The following TRPC6 variants were observed in gnomAD, a reference collection of about 807,000 sequenced individuals.
TRPC6 encodes the protein transient receptor potential cation channel subfamily C member 6, also known as short transient receptor potential channel 6.
In TRPC6, 55 loss-of-function variants were observed where a neutral mutation model predicts 90.7. The observed-to-expected ratio is 0.61, with a 90% CI of 0.49 to 0.76. TRPC6 has a LOEUF of 0.76. Ranked by LOEUF, TRPC6 falls within the 30% of genes least tolerant of loss-of-function variation. TRPC6 has a pLI of 0.00. For missense variants in TRPC6, 989 were observed against 1,122.7 expected (o/e 0.88, Z 1.70); for synonymous variants, 393 against 393.0 (o/e 1.00, Z 0.00).
chr11:101,497,184 T>C (rs931469800), intron 2 of TRPC6, among the ~76,000 whole-genome samples: 3 of 152,236 alleles, frequency 2.0e-5, no homozygotes, highest in Non-Finnish European at 4.4e-5. Flanking sequence ...TTTCACGTCA[T>C]TATGGACAAC....
chr11:101,540,415 T>C (rs1591121836), intron 1 of TRPC6, among the ~76,000 whole-genome samples: 1 of 152,252 alleles, frequency 6.6e-6, no homozygotes, highest in Admixed American at 6.5e-5. Flanking sequence ...AAAAGAACAA[T>C]GTGATATTCT....
chr11:101,489,592 T>C (rs1441905956), intron 3 of TRPC6, among the ~76,000 whole-genome samples: 1 of 151,974 alleles, frequency 6.6e-6, no homozygotes, highest in African/African-American at 2.4e-5. Context: ...CCTTTTATTC[T>C]TGTGCCAAAA....
intron 1 of TRPC6, among the ~76,000 whole-genome samples, chr11:101,537,713 G>C (rs1861084356): frequency 1.3e-5 from 2 of 151,748 alleles, no homozygotes; most frequent in African/African-American, 4.8e-5. Context: ...CTTTCCTAGA[G>C]TATCTTAAAT....
chr11:101,456,260 T>G (rs977846246), intron 10 of TRPC6, among the ~76,000 whole-genome samples: 1 of 152,158 alleles, frequency 6.6e-6, no homozygotes, highest in African/African-American at 2.4e-5. Context: ...GCTTCAACTT[T>G]CTATAACCTT....
chr11:101,553,767 T>TA (rs1299602862), intron 1 of TRPC6, among the ~76,000 whole-genome samples: 2 of 152,142 alleles, frequency 1.3e-5, no homozygotes, highest in Admixed American at 1.3e-4. Context: ...TTGGCTCCCA[T>TA]AGCTACTTTT....
At chr11:101,516,703 G>C (rs1272482830) in intron 1 of TRPC6, among the ~76,000 whole-genome samples, 1 of 152,224 alleles carries the variant, frequency 6.6e-6, no homozygotes, top group Non-Finnish European at 1.5e-5. Flanking sequence ...GCTTCCCTGA[G>C]AGTTTGCAAG....
chr11:101,583,466 C>T lies in TRPC6; in HGVS notation c.38G>A (p.Ser13Asn). 1 of 1,526,624 alleles carries T rather than the reference C, an allele frequency of 6.6e-7. No homozygotes were observed. 94.6% of individuals were successfully genotyped at this position (1,526,624 alleles called of 1,614,324 possible). ...QSPAFGPRRG[S>N]SPRGAAGAAA... is the part of the protein sequence containing the mutation. ...GGCTCCGGCAGCGCCCCGGGGAGAA[C>T]TGCCCCTCCGGGGCCCGAACGCCGG... Residue 13 changes from serine (S) to asparagine (N), a missense_variant, in exon 1 of 13, where the codon AGT becomes AAT. Ser to Asn is a conservative substitution (Grantham distance 46). Coordinates refer to ENST00000344327, the MANE Select transcript of TRPC6 (RefSeq NM_004621.6).
chr11:101,547,043 CA>C (rs1343515253), intron 1 of TRPC6, among the ~76,000 whole-genome samples: 1 of 151,896 alleles, frequency 6.6e-6, no homozygotes, highest in African/African-American at 2.4e-5. Context: ...TAATGAAAAA[CA>C]AAAAAACGAT....
intron 1 of TRPC6, among the ~76,000 whole-genome samples, chr11:101,548,954 TGGGGGTAGTACC>T (rs1565239027): frequency 6.6e-6 from 1 of 151,750 alleles, no homozygotes; most frequent in African/African-American, 2.4e-5. Context: ...TGGGTAACTC[TGGGGGTAGTACC>T]AAGGGTAGGG....
chr11:101,470,682 A>G (rs527914723), intron 9 of TRPC6, among the ~76,000 whole-genome samples: 2 of 152,100 alleles, frequency 1.3e-5, no homozygotes, highest in South Asian at 4.1e-4. Context: ...GTTTTCAATC[A>G]ATGTCCTTAG....
intron 1 of TRPC6, among the ~76,000 whole-genome samples, chr11:101,528,614 ACT>A (rs1376938809): frequency 6.6e-6 from 1 of 152,060 alleles, no homozygotes; most frequent in African/African-American, 2.4e-5. Context: ...GCTTGTACTA[ACT>A]CTTATGTGTA....
intron 2 of TRPC6, among the ~76,000 whole-genome samples, chr11:101,495,497 A>C (rs1859919969): frequency 1.3e-5 from 2 of 151,710 alleles, no homozygotes; most frequent in Admixed American, 6.6e-5. Flanking sequence ...TTAAAAAGGG[A>C]ATAATATTAG....
chr11:101,474,387 C>T (rs1020950441), intron 6 of TRPC6, among the ~76,000 whole-genome samples: 2 of 151,812 alleles, frequency 1.3e-5, no homozygotes, highest in Admixed American at 1.3e-4. Flanking sequence ...ATTTTTTTGG[C>T]ATTATTACAT....
chr11:101,485,505 T>G (rs1347048751), intron 4 of TRPC6, among the ~76,000 whole-genome samples: 1 of 152,138 alleles, frequency 6.6e-6, no homozygotes, highest in African/African-American at 2.4e-5. Flanking sequence ...TTTAACCGTG[T>G]ATTAGAGCAA....
In TRPC6 at chr11:101,504,107, A is replaced by G. The variant is rs1004040302; in HGVS notation, c.862T>C (p.Leu288=). The G allele has an allele frequency of 3.7e-6, 6 of 1,614,090 alleles. No individual in the cohort carries two copies. Among genetic ancestry groups the G allele is most frequent in the South Asian group, 3.3e-5 (3 of 91,082 alleles). The change falls in exon 2 of 13, where the codon TTG becomes CTG. Residue 288 remains leucine, a synonymous_variant. Transcript: ENST00000344327. ...GTCATGACTGGATCTTCACTAGACA[A>G]TGACAGGTAAGCCGGACTTGCCAGG... ...KGLASPAYLS[L]SSEDPVMTAL...
At chr11:101,530,612 G>A (rs1860889243) in intron 1 of TRPC6, among the ~76,000 whole-genome samples, 1 of 152,072 alleles carries the variant, frequency 6.6e-6, no homozygotes, top group Admixed American at 6.5e-5. Context: ...CTGGTAACAG[G>A]CCCATTTTCT....
At position 101,474,292 on chromosome 11, in the gene TRPC6, C is replaced by A. The variant is rs886369619; in HGVS notation, c.1745-519G>T. ...TTTAGGCTTGTAGCATATTTGTAGT[C>A]ATTTAAATGTATTAGAAGTAACTTT... On this transcript the variant is annotated intron_variant, in intron 6 of 12. Coordinates refer to ENST00000344327, the MANE Select transcript of TRPC6 (RefSeq NM_004621.6). Among the ~76,000 whole-genome samples, 4 of 152,180 alleles carry A rather than the reference C, an allele frequency of 2.6e-5. No homozygotes were observed. The East Asian group carries it at 7.7e-4, about 29-fold the overall frequency.
intron 3 of TRPC6, among the ~76,000 whole-genome samples, chr11:101,490,594 T>C (rs1451146824): frequency 2.6e-5 from 4 of 152,130 alleles, no homozygotes; most frequent in Admixed American, 1.3e-4. Context: ...TAGCTGAGAC[T>C]ACAGGTGCAC....
chr11:101,470,200 T>G (rs1244790176), intron 9 of TRPC6, among the ~76,000 whole-genome samples: 1 of 152,228 alleles, frequency 6.6e-6, no homozygotes, highest in Non-Finnish European at 1.5e-5. Flanking sequence ...GGCAGCCCAT[T>G]CTTCTGTTGG....
Sources: gnomAD v4.1 joint callset for allele counts (sites outside exome capture counted in the v4.1 genomes callset) on GRCh38, gnomAD v4.1.1 for gene constraint, MANE v1.5 for transcripts, NCBI Gene and HGNC (gene_info 2026-07-23, HGNC 2026-07-21) for gene names.